Variants in IQGAP1 observed in about 807,000 individuals in gnomAD.
IQGAP1 encodes the protein IQ motif containing GTPase activating protein 1, also known as ras GTPase-activating-like protein IQGAP1.
A neutral mutation model predicts 215.6 loss-of-function variants in IQGAP1; 66 were observed. The ratio of observed to expected loss-of-function variants is 0.31; its 90% CI spans 0.25 to 0.38. IQGAP1 has a LOEUF of 0.38. Among genes scored for constraint, IQGAP1 ranks in the 10% least tolerant of loss-of-function variants. The pLI is 1.00. For synonymous variants in IQGAP1, 772 were observed against 728.7 expected, an observed-to-expected ratio of 1.06 and a Z score of -0.96; for missense variants, 1,712 against 1,997.1, an observed-to-expected ratio of 0.86 and a Z score of 2.72.
chr15:90,479,509 G>A (rs534701558), intron 26 of IQGAP1, among the ~76,000 whole-genome samples: 9 of 151,626 alleles, frequency 5.9e-5, no homozygotes, highest in African/African-American at 1.2e-4. Flanking sequence ...AGGCTGAGGT[G>A]GGAGGATTGC....
intron 2 of IQGAP1, among the ~76,000 whole-genome samples, chr15:90,395,631 A>G (rs1156908647): frequency 6.6e-6 from 1 of 152,194 alleles, no homozygotes; most frequent in African/African-American, 2.4e-5. Flanking sequence ...GCTAAAGAGC[A>G]GTTGTATAGG....
chr15:90,484,862 C>T (rs999055607), intron 30 of IQGAP1, among the ~76,000 whole-genome samples: 2 of 152,168 alleles, frequency 1.3e-5, no homozygotes, highest in Non-Finnish European at 2.9e-5. Flanking sequence ...AAGGTCTTCC[C>T]AGGCCACCTG....
At chr15:90,390,169 A>C (rs1376779649) in intron 1 of IQGAP1, among the ~76,000 whole-genome samples, 1 of 152,084 alleles carries the variant, frequency 6.6e-6, no homozygotes, top group Non-Finnish European at 1.5e-5. Context: ...AGGAGTTAGG[A>C]ATTTATTCCA....
chr15:90,464,888 A>T (rs1319347554), intron 15 of IQGAP1, among the ~76,000 whole-genome samples: 1 of 152,072 alleles, frequency 6.6e-6, no homozygotes, highest in African/African-American at 2.4e-5. Flanking sequence ...AGAGGAAGGT[A>T]TTTCTACTAA....
intron 4 of IQGAP1, 185 bp downstream of exon 4, chr15:90,429,851 A>C (rs1965277994): frequency 2.3e-6 from 1 of 429,666 alleles, no homozygotes; most frequent in Admixed American, 4.1e-5. Flanking sequence ...TAATCCTCAT[A>C]CCTGTTTCAT....
At chr15:90,427,753 G>A (rs1329509801) in intron 3 of IQGAP1, among the ~76,000 whole-genome samples, 1 of 151,794 alleles carries the variant, frequency 6.6e-6, no homozygotes, top group Non-Finnish European at 1.5e-5. Flanking sequence ...AAAAAAAAAT[G>A]GGGATGTTGA....
intron 11 of IQGAP1, among the ~76,000 whole-genome samples, chr15:90,450,352 T>C (rs1596272468): frequency 7.0e-6 from 1 of 142,452 alleles, no homozygotes; most frequent in Admixed American, 6.9e-5. Context: ...TTTTTTTTTT[T>C]TTTTTTTTTT....
intron 10 of IQGAP1, among the ~76,000 whole-genome samples, chr15:90,449,140 G>T (rs1965565955): frequency 6.6e-6 from 1 of 151,504 alleles, no homozygotes; most frequent in Non-Finnish European, 1.5e-5. Flanking sequence ...GTGCAGTCAG[G>T]GTAGCTTGTG....
chr15:90,470,653 A>G (rs1277328736), intron 18 of IQGAP1, among the ~76,000 whole-genome samples: 3 of 151,904 alleles, frequency 2.0e-5, no homozygotes, highest in East Asian at 1.9e-4. Context: ...AAGTTAGTCT[A>G]CTCGTCACTA....
At chr15:90,404,600 C>T (rs1454549903) in intron 2 of IQGAP1, among the ~76,000 whole-genome samples, 1 of 151,836 alleles carries the variant, frequency 6.6e-6, no homozygotes, top group Admixed American at 6.6e-5. Flanking sequence ...TCCACTTTGT[C>T]CTTTAATTTT....
At chr15:90,486,582 T>TG (rs1410464870) in intron 31 of IQGAP1, 1 of 185,900 alleles carries the variant, frequency 5.4e-6, no homozygotes, top group Non-Finnish European at 1.1e-5. Context: ...TTAATAGAGA[T>TG]GGAGTCTCAC....
At chr15:90,440,972 T>C (rs768878339) in intron 7 of IQGAP1, among the ~76,000 whole-genome samples, 4 of 152,068 alleles carry the variant, frequency 2.6e-5, no homozygotes, top group African/African-American at 4.8e-5. Context: ...CCGGGCATGG[T>C]GGTGTGCACC....
intron 2 of IQGAP1, among the ~76,000 whole-genome samples, chr15:90,409,256 T>A (rs1380395771): frequency 1.5e-4 from 20 of 130,936 alleles, no homozygotes; most frequent in Admixed American, 3.8e-4. Flanking sequence ...TTTTTTTTTT[T>A]AGATAAGGTC....
intron 5 of IQGAP1, among the ~76,000 whole-genome samples, chr15:90,434,469 A>C (rs377071212): frequency 9.2e-5 from 14 of 151,990 alleles, no homozygotes; most frequent in South Asian, 6.2e-4. Context: ...TAATAATAAT[A>C]ATAATTTTTG....
chr15:90,447,722 T>C (rs1339713269), intron 9 of IQGAP1, among the ~76,000 whole-genome samples: 3 of 152,192 alleles, frequency 2.0e-5, no homozygotes, highest in African/African-American at 7.2e-5. Context: ...TTTGTTTTGT[T>C]TTGTTTTTTT....
chr15:90,439,112 A>G (rs961085996), intron 5 of IQGAP1, among the ~76,000 whole-genome samples: 1 of 151,868 alleles, frequency 6.6e-6, no homozygotes, highest in South Asian at 2.1e-4. Flanking sequence ...TGCTCTTTGC[A>G]TTGTGTTATG....
In IQGAP1 at chr15:90,466,370, A is replaced by G. The variant is rs1173813578; in HGVS notation, c.1969A>G (p.Ile657Val). 3 of 1,614,206 alleles carry G rather than the reference A, an allele frequency of 1.9e-6. No individual in the cohort carries two copies. Among genetic ancestry groups the G allele is most frequent in the Admixed American group, 3.3e-5 (2 of 60,018 alleles). ...RSPDVGLYGV[I>V]PECGETYHSD... ...CCCTGATGTTGGCTTGTATGGAGTC[A>G]TCCCTGAGTGTGGTGAAACTTACCA... The change falls in exon 17 of 38, where the codon ATC (isoleucine) becomes GTC (valine). Residue 657 changes from isoleucine (I) to valine (V), a missense_variant. Transcript: ENST00000268182.
chr15:90,439,224 C>T, intron 5 of IQGAP1, 108 bp from the exon 6 acceptor site: 1 of 660,284 alleles, frequency 1.5e-6, no homozygotes, highest in Non-Finnish European at 2.7e-6. Context: ...CTGGGAGTCT[C>T]AGTGTTCAGA....
At position 90,473,394 on chromosome 15, in the gene IQGAP1, C is replaced by T. The variant is rs12441335; in HGVS notation, c.2350-321C>T. 8.5e-3 allele frequency among the ~76,000 whole-genome samples: 1,301 copies of T among 152,200 alleles called. 39 individuals carry two copies. The East Asian group carries it at 0.11, about 12-fold the overall frequency. ...TGGTGAATCTCCAAGTCTTTGTCCC[C>T]ATCTGTAAAAGGGGAATGCCCCATT... is the stretch of plus-strand genomic sequence containing the variant. On this transcript the variant is annotated intron_variant, in intron 19 of 37. Coordinates refer to ENST00000268182, the MANE Select transcript of IQGAP1 (RefSeq NM_003870.4).
Sources: gnomAD v4.1 joint callset for allele counts (sites outside exome capture counted in the v4.1 genomes callset) on GRCh38, gnomAD v4.1.1 for gene constraint, MANE v1.5 for transcripts, NCBI Gene and HGNC (gene_info 2026-07-23, HGNC 2026-07-21) for gene names.